The following CALD1 variants were observed in gnomAD, a reference collection of about 807,000 sequenced individuals.
The protein encoded by CALD1 is caldesmon 1, also known as caldesmon.
Under a neutral mutation model 99.9 loss-of-function variants are expected in CALD1, and 33 were observed. That is an observed-to-expected ratio of 0.33 (90% confidence interval 0.25 to 0.44). The LOEUF (loss-of-function observed/expected upper bound fraction) is 0.44, where lower values mean the gene tolerates loss of function less well. Ranked by LOEUF, CALD1 falls within the 20% of genes least tolerant of loss-of-function variation. The pLI is 1.00. For synonymous variants in CALD1, 310 were observed against 325.0 expected (o/e 0.95, Z 0.50); for missense variants, 861 against 962.1 (o/e 0.89, Z 1.39).
intron 9 of CALD1, among the ~76,000 whole-genome samples, 195 bp from the exon 10 acceptor site, chr7:134,957,874 C>A (rs906531971): frequency 6.6e-6 from 1 of 151,362 alleles, no homozygotes; most frequent in Non-Finnish European, 1.5e-5. Context: ...ATCCTACCTT[C>A]ATTCCCCCAA....
At chr7:134,918,424 T>C (rs192076747) in intron 3 of CALD1, among the ~76,000 whole-genome samples, 1 of 152,300 alleles carries the variant, frequency 6.6e-6, no homozygotes, top group African/African-American at 2.4e-5. Flanking sequence ...TCATGTCAAA[T>C]AAAAGAATCA....
chr7:134,785,008 C>T (rs11767660), intron 1 of CALD1, among the ~76,000 whole-genome samples: 1 of 152,128 alleles, frequency 6.6e-6, no homozygotes, highest in African/African-American at 2.4e-5. Flanking sequence ...ACAGGCGCGC[C>T]TAAGGATGAA....
intron 3 of CALD1, among the ~76,000 whole-genome samples, chr7:134,869,664 T>C (rs978804356): frequency 1.3e-5 from 2 of 152,202 alleles, no homozygotes; most frequent in African/African-American, 4.8e-5. Context: ...GAGCAGTGTT[T>C]AATTTCAGGT....
At chr7:134,764,789 G>A (rs575795074) in intron 1 of CALD1, among the ~76,000 whole-genome samples, 8 of 152,248 alleles carry the variant, frequency 5.3e-5, no homozygotes, top group South Asian at 4.1e-4. Context: ...AATGTGAAGC[G>A]GGAGAAGCAC....
chr7:134,727,749 A>T, the CALD1 span, among the ~76,000 whole-genome samples: 1 of 152,172 alleles, frequency 6.6e-6, no homozygotes, highest in African/African-American at 2.4e-5. Context: ...TTTGGCTATC[A>T]TCTCTCTCCT....
upstream of CALD1, among the ~76,000 whole-genome samples, chr7:134,743,159 C>T (rs549727851): frequency 3.2e-4 from 48 of 152,264 alleles, no homozygotes; most frequent in African/African-American, 1.1e-3. Flanking sequence ...GTGCAGTTGG[C>T]GGAAACTTGG....
intron 3 of CALD1, among the ~76,000 whole-genome samples, chr7:134,883,733 G>C (rs1316157514): frequency 6.6e-6 from 1 of 152,184 alleles, no homozygotes; most frequent in East Asian, 1.9e-4. Flanking sequence ...AATTCATAAG[G>C]GTCAAACTGC....
chr7:134,899,847 A>G (rs1802862140), intron 3 of CALD1: 1 of 152,088 alleles, frequency 6.6e-6, no homozygotes, highest in East Asian at 1.9e-4. Flanking sequence ...AGGTCTCACT[A>G]TGCTGCCCAG....
chr7:134,747,506 C>T (rs1012190084), intron 1 of CALD1, among the ~76,000 whole-genome samples: 4 of 152,198 alleles, frequency 2.6e-5, no homozygotes, highest in Non-Finnish European at 5.9e-5. Flanking sequence ...ACCTATTGTT[C>T]GAGACAATGG....
rs1233094569 is a variant in CALD1 at position 134,970,303 on chromosome 7, C to T, written c.*1958C>T. The T allele has an allele frequency of 2.0e-5, 3 of 152,162 alleles. No individual in the cohort carries two copies. Among genetic ancestry groups the T allele is most frequent in the Non-Finnish European group, 4.4e-5 (3 of 68,030 alleles). The allele number at this position is 152,162 out of a possible 1,614,324, so 9.4% of individuals were successfully genotyped here. A position where few individuals can be genotyped will look rare whatever the true frequency, so the allele number is the denominator to read the frequency against. ...GTTGTACTTTTGAACAAGAGCTCCT[C>T]CTGATCACTATTACATATTTTTCTA... On this transcript the variant is annotated 3_prime_UTR_variant, in exon 15 of 15. Transcript: ENST00000361675.
chr7:134,869,536 A>G (rs1035914524), intron 3 of CALD1, among the ~76,000 whole-genome samples: 5 of 152,176 alleles, frequency 3.3e-5, no homozygotes, highest in African/African-American at 1.2e-4. Context: ...GAATTAGCAA[A>G]CCTTTTAGGA....
intron 4 of CALD1, among the ~76,000 whole-genome samples, chr7:134,932,371 G>A (rs982183587): frequency 1.3e-5 from 2 of 152,202 alleles, no homozygotes; most frequent in Non-Finnish European, 2.9e-5. Flanking sequence ...AGGAATTCTA[G>A]ATGACTTGAT....
At chr7:134,893,222 T>C (rs1487909479) in intron 3 of CALD1, among the ~76,000 whole-genome samples, 1 of 152,152 alleles carries the variant, frequency 6.6e-6, no homozygotes, top group African/African-American at 2.4e-5. Flanking sequence ...ACCGGGATGG[T>C]TGTCATTGCC....
chr7:134,947,841 A>C, intron 8 of CALD1, 72 bp downstream of exon 8: 1 of 1,527,048 alleles, frequency 6.5e-7, no homozygotes, highest in Admixed American at 2.2e-5. Context: ...TGTTCTTTTG[A>C]GCATGGGCTC....
chr7:134,859,354 C>A (rs987083819), intron 2 of CALD1, among the ~76,000 whole-genome samples: 4 of 152,190 alleles, frequency 2.6e-5, no homozygotes, highest in African/African-American at 9.7e-5. Context: ...GGAGAATTTC[C>A]ACCTTGCCTT....
chr7:134,756,374 G>A (rs78502062), intron 1 of CALD1, among the ~76,000 whole-genome samples: 22,702 of 145,758 alleles, frequency 0.16, 1,830 homozygotes, highest in Non-Finnish European at 0.18. Context: ...TCCTATATTT[G>A]TAGGTCCATT....
the CALD1 span, among the ~76,000 whole-genome samples, chr7:134,736,749 T>A: frequency 6.6e-6 from 1 of 152,216 alleles, no homozygotes; most frequent in African/African-American, 2.4e-5. Flanking sequence ...TCACTATGCA[T>A]CTTTGCTGTA....
At chr7:134,951,189 CT>C (rs1807311203) in intron 9 of CALD1, among the ~76,000 whole-genome samples, 1 of 152,196 alleles carries the variant, frequency 6.6e-6, no homozygotes, top group African/African-American at 2.4e-5. Flanking sequence ...AAGGTCTCAC[CT>C]CTTAATACCA....
In CALD1 at chr7:134,960,002, C is replaced by T. The variant is rs896911651; in HGVS notation, c.2090C>T (p.Pro697Leu). ...ACAAAAAGCGCAAAACCTACAAAGC[C>T]GGCAGCCTCGGATCTTCCTGTTCCT... ...EGTKSAKPTK[P>L]AASDLPVPAE... The change falls in exon 12 of 15, where the codon CCG (proline) becomes CTG (leucine). Residue 697 changes from proline (P) to leucine (L), a missense_variant. Pro to Leu is a moderately conservative substitution (Grantham distance 98, BLOSUM62 -3). This residue lies in a region of CALD1 where 190 missense variants were observed against 249.0 expected (regional missense o/e 0.76). Coordinates refer to ENST00000361675, the MANE Select transcript of CALD1 (RefSeq NM_033138.4). 26 of 1,613,820 alleles carry T rather than the reference C, an allele frequency of 1.6e-5. No homozygotes were observed. The highest frequency in any genetic ancestry group is 9.3e-5 in the African/African-American group (7 of 74,874).
Sources: gnomAD v4.1 joint callset for allele counts (sites outside exome capture counted in the v4.1 genomes callset) on GRCh38, gnomAD v4.1.1 for gene constraint, gnomAD v4.1.1 regional missense constraint, MANE v1.5 for transcripts, NCBI Gene and HGNC (gene_info 2026-07-23, HGNC 2026-07-21) for gene names.